GRM7: variants seen among roughly 807,000 people sequenced by gnomAD.
GRM7 encodes the protein glutamate metabotropic receptor 7.
Under a neutral mutation model 84.5 loss-of-function variants are expected in GRM7, and 35 were observed. That is an observed-to-expected ratio of 0.41 (90% CI 0.32 to 0.55). GRM7 has a LOEUF of 0.55. GRM7 is among the 20% of genes least tolerant of loss of function. The pLI is 0.19. For missense variants in GRM7, 1,003 were observed against 1,194.6 expected (o/e 0.84, Z 2.36); for synonymous variants, 487 against 455.1 (o/e 1.07, Z -0.89).
At chr3:7,483,525 A>T (rs557647831) in intron 7 of GRM7, among the ~76,000 whole-genome samples, 2 of 152,344 alleles carry the variant, frequency 1.3e-5, no homozygotes, top group African/African-American at 4.8e-5. Context: ...AGGTAGGAGG[A>T]CAGGTCACAA....
At chr3:7,217,497 A>C (rs746242108) in intron 2 of GRM7, among the ~76,000 whole-genome samples, 2 of 152,166 alleles carry the variant, frequency 1.3e-5, no homozygotes, top group African/African-American at 2.4e-5. Flanking sequence ...TATACCTTCT[A>C]TTTCACTTAG....
intron 2 of GRM7, among the ~76,000 whole-genome samples, chr3:7,230,928 A>G (rs558618323): frequency 1.3e-5 from 2 of 152,188 alleles, no homozygotes; most frequent in Non-Finnish European, 2.9e-5. Context: ...GGTCATTACC[A>G]TCTCAATTGG....
intron 9 of GRM7, chr3:7,691,039 A>ATT: frequency 8.9e-6 from 3 of 338,034 alleles, no homozygotes; most frequent in South Asian, 2.3e-5. Flanking sequence ...AACTTTGCAG[A>ATT]TTTTTTTTTT....
intron 1 of GRM7, among the ~76,000 whole-genome samples, chr3:7,105,086 C>T (rs1373361805): frequency 2.0e-5 from 3 of 151,716 alleles, no homozygotes; most frequent in Admixed American, 1.3e-4. Flanking sequence ...TAAATATTTA[C>T]ATGTTTCATT....
chr3:7,639,712 A>T (rs1843285), intron 8 of GRM7, among the ~76,000 whole-genome samples: 132,482 of 152,134 alleles, frequency 0.87, 57,842 homozygotes, highest in African/African-American at 0.94. Flanking sequence ...TATACATATA[A>T]TTTTATATAT....
chr3:7,504,644 T>C (rs1699986614), intron 7 of GRM7, among the ~76,000 whole-genome samples: 1 of 152,218 alleles, frequency 6.6e-6, no homozygotes, highest in Non-Finnish European at 1.5e-5. Flanking sequence ...GGTTGCTTTT[T>C]ATAATAAAGG....
At chr3:7,434,293 GC>G (rs1432078484) in intron 5 of GRM7, among the ~76,000 whole-genome samples, 1 of 152,106 alleles carries the variant, frequency 6.6e-6, no homozygotes, top group Non-Finnish European at 1.5e-5. Context: ...ATTTTGTCTT[GC>G]TTTATTGCAC....
At chr3:7,229,759 A>ATGT (rs1434216248) in intron 2 of GRM7, among the ~76,000 whole-genome samples, 1 of 30,440 alleles carries the variant, frequency 3.3e-5, no homozygotes, top group Non-Finnish European at 5.7e-5. Flanking sequence ...ATATATATAT[A>ATGT]TTTTTTTTTT....
At chr3:7,629,646 T>G (rs1046728744) in intron 8 of GRM7, among the ~76,000 whole-genome samples, 1 of 152,172 alleles carries the variant, frequency 6.6e-6, no homozygotes, top group African/African-American at 2.4e-5. Context: ...CCATAGCAAT[T>G]TGATACAAAG....
intron 8 of GRM7, among the ~76,000 whole-genome samples, chr3:7,608,246 C>T (rs1230498362): frequency 1.3e-5 from 2 of 152,016 alleles, no homozygotes; most frequent in Non-Finnish European, 2.9e-5. Flanking sequence ...ATGTATAAAC[C>T]CAGTAATGAG....
At chr3:7,098,732 A>T (rs1471171581) in intron 1 of GRM7, among the ~76,000 whole-genome samples, 1 of 152,036 alleles carries the variant, frequency 6.6e-6, no homozygotes, top group Non-Finnish European at 1.5e-5. Flanking sequence ...ATGATGGATA[A>T]TAACCATATG....
chr3:7,190,839 C>A lies in GRM7; in HGVS notation c.736+44171C>A, dbSNP rs1695687463. Among the ~76,000 whole-genome samples the A allele has an allele frequency of 2.0e-5, 3 of 152,038 alleles. No homozygotes were observed. The South Asian group carries it at 6.2e-4, about 32-fold the overall frequency. On this transcript the variant is annotated intron_variant, in intron 2 of 9. Transcript: ENST00000357716. ...AGGTGCCCCTCTTGGCACTCTCTAG[C>A]CAGAGACAAGGCAGGCATCAGATAA...
intron 7 of GRM7, among the ~76,000 whole-genome samples, chr3:7,496,364 T>C (rs934263980): frequency 2.6e-5 from 4 of 152,166 alleles, no homozygotes; most frequent in Non-Finnish European, 4.4e-5. Flanking sequence ...TTAATTGTAA[T>C]CTTATCATCA....
chr3:7,107,747 T>C (rs1692705057), intron 1 of GRM7, among the ~76,000 whole-genome samples: 1 of 152,038 alleles, frequency 6.6e-6, no homozygotes, highest in Non-Finnish European at 1.5e-5. Flanking sequence ...TAAAGAGCTT[T>C]AGAGAAGAAA....
chr3:6,929,758 G>A (rs1424046340), intron 1 of GRM7, among the ~76,000 whole-genome samples: 2 of 152,166 alleles, frequency 1.3e-5, no homozygotes, highest in Admixed American at 6.5e-5. Context: ...ATTAAAAATT[G>A]ATTACAATCC....
chr3:7,589,011 G>A (rs1459662816), intron 8 of GRM7, among the ~76,000 whole-genome samples: 1 of 152,226 alleles, frequency 6.6e-6, no homozygotes, highest in Admixed American at 6.5e-5. Context: ...ATCAAGGCCA[G>A]ATATTTAGGC....
At chr3:7,564,720 G>A (rs929040060) in intron 7 of GRM7, among the ~76,000 whole-genome samples, 2 of 152,130 alleles carry the variant, frequency 1.3e-5, no homozygotes, top group African/African-American at 2.4e-5. Flanking sequence ...TTCCTTACAC[G>A]TGTCATCTTA....
At chr3:7,314,144 C>A (rs1225371889) in intron 4 of GRM7, among the ~76,000 whole-genome samples, 1 of 152,072 alleles carries the variant, frequency 6.6e-6, no homozygotes, top group African/African-American at 2.4e-5. Flanking sequence ...CCTTTAAAAT[C>A]ATTTAATACC....
chr3:7,621,253 T>TAACC (rs1375843896), intron 8 of GRM7, among the ~76,000 whole-genome samples: 4 of 152,072 alleles, frequency 2.6e-5, no homozygotes, highest in Non-Finnish European at 2.9e-5. Flanking sequence ...AATTTAGCAA[T>TAACC]AACCGTAAAT....
Sources: allele counts gnomAD v4.1 joint callset (sites outside exome capture counted in the v4.1 genomes callset), GRCh38; gene constraint gnomAD v4.1.1; transcripts MANE v1.5; gene names NCBI Gene and HGNC (gene_info 2026-07-23, HGNC 2026-07-21).